The following SGCZ variants were observed in gnomAD, a reference collection of about 807,000 sequenced individuals.
The protein encoded by SGCZ is sarcoglycan zeta.
Under a neutral mutation model 41.3 loss-of-function variants are expected in SGCZ, and 40 were observed. That is an observed-to-expected ratio of 0.97 (90% CI 0.75 to 1.26). The LOEUF (loss-of-function observed/expected upper bound fraction) is 1.26. Ranked by LOEUF, SGCZ falls within the 50% of genes most tolerant of loss-of-function variation. The probability of loss-of-function intolerance (pLI) is 0.00; values close to 1 mark genes in which losing one functional copy is unlikely to be tolerated. For synonymous variants in SGCZ, 206 were observed against 137.5 expected (o/e 1.50, Z -3.49); for missense variants, 552 against 369.8 (o/e 1.49, Z -4.04).
At chr8:14,176,160 A>G (rs146119565) in intron 4 of SGCZ, among the ~76,000 whole-genome samples, 45 of 152,312 alleles carry the variant, frequency 3.0e-4, no homozygotes, top group African/African-American at 1.0e-3. Flanking sequence ...GAAACAAAAC[A>G]TTATCATCAG....
intron 1 of SGCZ, among the ~76,000 whole-genome samples, chr8:14,715,918 T>C (rs769180315): frequency 5.3e-5 from 8 of 151,970 alleles, no homozygotes; most frequent in African/African-American, 7.2e-5. Context: ...TTGGTAGAAA[T>C]AAAGATATCA....
intron 1 of SGCZ, among the ~76,000 whole-genome samples, chr8:15,068,821 C>A (rs1805246355): frequency 6.6e-6 from 1 of 152,146 alleles, no homozygotes; most frequent in Non-Finnish European, 1.5e-5. Flanking sequence ...ACAGTCAACC[C>A]AATTAAACCC....
At chr8:14,139,817 C>G (rs1259024363) in intron 5 of SGCZ, among the ~76,000 whole-genome samples, 1 of 152,284 alleles carries the variant, frequency 6.6e-6, no homozygotes, top group East Asian at 1.9e-4. Context: ...AAGAGGGAAT[C>G]CTCCCTAACT....
chr8:14,310,910 G>C (rs1396661112), intron 3 of SGCZ, among the ~76,000 whole-genome samples: 2 of 152,038 alleles, frequency 1.3e-5, no homozygotes, highest in Non-Finnish European at 2.9e-5. Context: ...CTTGAAACTT[G>C]AGAATTTCAG....
intron 1 of SGCZ, among the ~76,000 whole-genome samples, chr8:15,110,708 C>T (rs1014335440): frequency 6.6e-6 from 1 of 152,210 alleles, no homozygotes; most frequent in Non-Finnish European, 1.5e-5. Context: ...GTGGCTCACT[C>T]CTGTAATCCC....
chr8:14,309,710 G>A (rs759344219), intron 3 of SGCZ: 19 of 1,608,528 alleles, frequency 1.2e-5, no homozygotes, highest in African/African-American at 2.7e-5. Context: ...AGGAGACTGA[G>A]TTAAGCAATC....
intron 1 of SGCZ, among the ~76,000 whole-genome samples, chr8:14,661,661 TG>T (rs1807754654): frequency 6.6e-6 from 1 of 152,168 alleles, no homozygotes; most frequent in Non-Finnish European, 1.5e-5. Context: ...TTCAGAGCTC[TG>T]AAATCACAAC....
chr8:14,874,942 G>A (rs1804292596), intron 1 of SGCZ, among the ~76,000 whole-genome samples: 1 of 152,136 alleles, frequency 6.6e-6, no homozygotes, highest in Admixed American at 6.6e-5. Context: ...AGAAGATAAT[G>A]CTGACTGAGT....
At chr8:14,920,836 A>G (rs903078798) in intron 1 of SGCZ, among the ~76,000 whole-genome samples, 1 of 152,178 alleles carries the variant, frequency 6.6e-6, no homozygotes, top group Non-Finnish European at 1.5e-5. Flanking sequence ...GGTTTCATTA[A>G]GAATTATTTG....
chr8:14,149,194 G>A (rs1469953900), intron 5 of SGCZ, among the ~76,000 whole-genome samples: 2 of 152,046 alleles, frequency 1.3e-5, no homozygotes, highest in Non-Finnish European at 2.9e-5. Context: ...AGAGCCATCA[G>A]ACCAGAGAAA....
intron 1 of SGCZ, among the ~76,000 whole-genome samples, chr8:14,908,280 T>A (rs1052077939): frequency 2.0e-5 from 3 of 152,156 alleles, no homozygotes; most frequent in Non-Finnish European, 4.4e-5. Flanking sequence ...GAGACACAGG[T>A]ATGGTCCTTG....
intron 5 of SGCZ, among the ~76,000 whole-genome samples, chr8:14,111,549 A>C (rs1296706672): frequency 6.6e-6 from 1 of 152,166 alleles, no homozygotes; most frequent in African/African-American, 2.4e-5. Flanking sequence ...TTTCATTGCT[A>C]TTTTAAGGGG....
chr8:14,857,215 T>C (rs1803571638), intron 1 of SGCZ, among the ~76,000 whole-genome samples: 1 of 152,180 alleles, frequency 6.6e-6, no homozygotes, highest in South Asian at 2.1e-4. Flanking sequence ...TCCTGAGGCC[T>C]GCTCAGAAAC....
At chr8:14,464,273 T>C (rs1800984814) in intron 2 of SGCZ, among the ~76,000 whole-genome samples, 1 of 151,584 alleles carries the variant, frequency 6.6e-6, no homozygotes, top group Non-Finnish European at 1.5e-5. Context: ...GAGATTTTTT[T>C]TTGGTTACTA....
At chr8:14,454,668 C>T (rs1800691797) in intron 2 of SGCZ, among the ~76,000 whole-genome samples, 1 of 151,984 alleles carries the variant, frequency 6.6e-6, no homozygotes, top group Non-Finnish European at 1.5e-5. Context: ...ATAAAATTAG[C>T]ATGGTATTGA....
intron 1 of SGCZ, among the ~76,000 whole-genome samples, chr8:14,649,421 C>T (rs377715557): frequency 6.6e-6 from 1 of 152,160 alleles, no homozygotes; most frequent in Non-Finnish European, 1.5e-5. Context: ...CTAATTCTTC[C>T]TGTTTGAAAT....
At chr8:14,412,382 C>T (rs916383470) in intron 2 of SGCZ, among the ~76,000 whole-genome samples, 3 of 152,074 alleles carry the variant, frequency 2.0e-5, no homozygotes, top group Non-Finnish European at 4.4e-5. Context: ...TTATGTGTTT[C>T]CCTTTAGATC....
At chr8:14,440,118 A>C (rs1800204974) in intron 2 of SGCZ, among the ~76,000 whole-genome samples, 1 of 152,002 alleles carries the variant, frequency 6.6e-6, no homozygotes, top group African/African-American at 2.4e-5. Flanking sequence ...ATATTACTTT[A>C]TTTTACTCAT....
chr8:14,831,225 G>C (rs1295289803), intron 1 of SGCZ, among the ~76,000 whole-genome samples: 2 of 152,180 alleles, frequency 1.3e-5, no homozygotes, highest in African/African-American at 2.4e-5. Context: ...CAAAGTACAT[G>C]ACGGCAAAAT....
Sources: gnomAD v4.1 joint callset for allele counts (sites outside exome capture counted in the v4.1 genomes callset) on GRCh38, gnomAD v4.1.1 for gene constraint, MANE v1.5 for transcripts, NCBI Gene and HGNC (gene_info 2026-07-23, HGNC 2026-07-21) for gene names.